Variants in PDIA6 observed in about 807,000 individuals in gnomAD.
PDIA6 encodes protein disulfide isomerase family A member 6, also known as protein disulfide-isomerase A6.
In PDIA6, 29 loss-of-function variants were observed where a neutral mutation model predicts 58.4. The ratio of observed to expected loss-of-function variants is 0.50; its 90% confidence interval spans 0.37 to 0.68. The LOEUF (loss-of-function observed/expected upper bound fraction) is 0.68, where lower values mean the gene tolerates loss of function less well. Among genes scored for constraint, PDIA6 ranks in the 30% least tolerant of loss-of-function variants. The pLI is 0.00. For synonymous variants in PDIA6, 192 were observed against 202.6 expected (o/e 0.95, Z 0.44); for missense variants, 480 against 551.0 (o/e 0.87, Z 1.29).
At chr2:10,786,732 C>G (rs747300960) in intron 11 of PDIA6, among the ~76,000 whole-genome samples, 1 of 152,192 alleles carries the variant, frequency 6.6e-6, no homozygotes, top group Non-Finnish European at 1.5e-5. Context: ...CTCTTTAGGT[C>G]AATGCCCTGT....
intron 1 of PDIA6, among the ~76,000 whole-genome samples, chr2:10,807,877 T>C (rs1208971316): frequency 6.6e-6 from 1 of 152,234 alleles, no homozygotes; most frequent in Non-Finnish European, 1.5e-5. Context: ...CTTATCCCCA[T>C]TTTGTAAATA....
intron 1 of PDIA6, among the ~76,000 whole-genome samples, chr2:10,824,223 G>C (rs1667485575): frequency 6.6e-6 from 1 of 151,234 alleles, no homozygotes; most frequent in Non-Finnish European, 1.5e-5. Context: ...CATGGGGAGT[G>C]TTGACTGCTG....
At chr2:10,834,902 G>A (rs973206044), upstream of PDIA6, among the ~76,000 whole-genome samples, 2 of 151,998 alleles carry the variant, frequency 1.3e-5, no homozygotes, top group African/African-American at 2.4e-5. Flanking sequence ...TAGTAGCTGG[G>A]ATTACAGGCA....
In PDIA6 at chr2:10,785,050, A is replaced by AACAC. The variant is rs762790761; in HGVS notation, c.1158-24_1158-21dup. 6.8e-7 allele frequency: 1 copy of AACAC among 1,460,988 alleles called. No individual in the cohort carries two copies. Among genetic ancestry groups the AACAC allele is most frequent in the East Asian group, 2.4e-5 (1 of 41,226 alleles). The allele number at this position is 1,460,988 out of a possible 1,614,324, so 90.5% of individuals were successfully genotyped here. A position where few individuals can be genotyped will look rare whatever the true frequency, so the allele number is the denominator to read the frequency against. ...AGCTCCCTTAGGGAAAAATGACCAA[A>AACAC]ACACACACACACATTTACAATGGAC... On this transcript the variant is annotated intron_variant, in intron 11 of 12. Coordinates refer to ENST00000272227, the MANE Select transcript of PDIA6 (RefSeq NM_005742.4).
chr2:10,802,562 G>T lies in PDIA6; in HGVS notation c.98C>A (p.Ser33Ter). The T allele has an allele frequency of 6.7e-7, 1 of 1,484,452 alleles. No homozygotes were observed. Among genetic ancestry groups the T allele is most frequent in the Admixed American group, 2.3e-5 (1 of 44,220 alleles). 92.0% of individuals were successfully genotyped at this position (1,484,452 alleles called of 1,614,324 possible). A position where few individuals can be genotyped will look rare whatever the true frequency, so the allele number is the denominator to read the frequency against. The change falls in exon 2 of 13, where the codon TCG becomes TAG. Residue 33 changes from serine (S) to a stop codon, truncating the protein, a stop_gained. Coordinates refer to ENST00000272227, the MANE Select transcript of PDIA6 (RefSeq NM_005742.4). LOFTEE classifies it high-confidence loss of function. ...SSDDVIELTPSNFNREVIQSD... is the reference protein window; with the variant it reads ...SSDDVIELTP The stretch of plus-strand genomic sequence containing the variant: ...CTGAATAACTTCTCGGTTGAAATTC[G>T]ATGGAGTTAATTCGATCACATCATC...
chr2:10,820,668 T>G, intron 1 of PDIA6: 1 of 623,858 alleles, frequency 1.6e-6, no homozygotes, highest in Non-Finnish European at 2.9e-6. Context: ...TGTCGAGGAC[T>G]CTTTTGTCCT....
upstream of PDIA6, among the ~76,000 whole-genome samples, chr2:10,816,007 A>G (rs571503413): frequency 4.0e-5 from 6 of 149,522 alleles, no homozygotes; most frequent in Middle Eastern, 3.2e-3. Context: ...AGCCCTGGTC[A>G]CCTCTATTCA....
chr2:10,832,445 C>T, exon 1 of PDIA6: 1 of 985,438 alleles, frequency 1.0e-6, no homozygotes, highest in Non-Finnish European at 1.2e-6. Context: ...GTTTGAAGCA[C>T]GAGGCCAGGA....
chr2:10,819,034 A>G (rs56263234), intron 2 of PDIA6, among the ~76,000 whole-genome samples: 19,572 of 152,198 alleles, frequency 0.13, 1,521 homozygotes, highest in Non-Finnish European at 0.18. Flanking sequence ...ATGTAAGTAG[A>G]ATCCTATAGT....
intron 1 of PDIA6, chr2:10,810,360 C>T: frequency 6.6e-7 from 1 of 1,511,696 alleles, no homozygotes; most frequent in East Asian, 2.5e-5. Context: ...TTTCACTTCT[C>T]TTTGCCAATC....
At chr2:10,800,995 C>G (rs1666486628) in intron 2 of PDIA6, among the ~76,000 whole-genome samples, 1 of 152,110 alleles carries the variant, frequency 6.6e-6, no homozygotes, top group Non-Finnish European at 1.5e-5. Flanking sequence ...AAGCACCTGC[C>G]TGACCCAGTG....
chr2:10,807,182 A>G (rs1666800833), intron 1 of PDIA6, among the ~76,000 whole-genome samples: 1 of 152,224 alleles, frequency 6.6e-6, no homozygotes, highest in Non-Finnish European at 1.5e-5. Flanking sequence ...TATTTGCATC[A>G]TGCTGGCTTT....
At position 10,812,753 on chromosome 2, in the gene PDIA6, G is replaced by A; in HGVS notation, c.-57C>T. ...GCCGCCGCCGCTTCAGCCCTGCAGC[G>A]TGCCGCACGCCGCGCCCCCGCGCCC... On this transcript the variant is annotated 5_prime_UTR_variant, in exon 1 of 13. It adds an upstream start codon to the 5' untranslated region. Coordinates refer to ENST00000272227, the MANE Select transcript of PDIA6 (RefSeq NM_005742.4). 1.4e-6 allele frequency: 2 copies of A among 1,388,076 alleles called. No homozygotes were observed. Among genetic ancestry groups the A allele is most frequent in the Non-Finnish European group, 1.9e-6 (2 of 1,070,660 alleles). The allele number at this position is 1,388,076 out of a possible 1,614,324, so 86.0% of individuals were successfully genotyped here.
chr2:10,786,352 A>ACCAAC (rs1343174091), intron 11 of PDIA6, among the ~76,000 whole-genome samples: 1 of 151,848 alleles, frequency 6.6e-6, no homozygotes, highest in African/African-American at 2.4e-5. Context: ...AACCATATTA[A>ACCAAC]CCAACTACAA....
At chr2:10,788,803 A>G in intron 9 of PDIA6, 34 bp from the exon 10 acceptor site, 3 of 1,570,866 alleles carry the variant, frequency 1.9e-6, no homozygotes, top group South Asian at 1.1e-5. Context: ...TTAAAGGTAA[A>G]GATAAAGGAG....
At position 10,806,628 on chromosome 2, in the gene PDIA6, C is replaced by CAAAGAA. The variant is rs142782761; in HGVS notation, c.20-3989_20-3988insTTCTTT. Among the ~76,000 whole-genome samples, 58 of 70,294 alleles carry CAAAGAA rather than the reference C, an allele frequency of 8.3e-4. 5 individuals are homozygous for CAAAGAA. Among genetic ancestry groups the CAAAGAA allele is most frequent in the East Asian group, 3.6e-3 (8 of 2,204 alleles). The allele number at this position is 70,294 out of a possible 152,430, so 46.1% of individuals were successfully genotyped here. A position where few individuals can be genotyped will look rare whatever the true frequency, so the allele number is the denominator to read the frequency against. ...AACCACATCTCCTAAAAAATAAAGA[C>CAAAGAA]AGAAAGAAAGAAAGAAAGAAAAACG... On this transcript the variant is annotated intron_variant, in intron 1 of 12. Transcript: ENST00000272227.
At chr2:10,795,260 T>C (rs1219899415) in intron 4 of PDIA6, among the ~76,000 whole-genome samples, 1 of 152,194 alleles carries the variant, frequency 6.6e-6, no homozygotes, top group Non-Finnish European at 1.5e-5. Flanking sequence ...AGACAATATG[T>C]TGACAAACAG....
intron 2 of PDIA6, among the ~76,000 whole-genome samples, chr2:10,818,498 A>ATTTC (rs1470617806): frequency 1.2e-4 from 15 of 121,152 alleles, no homozygotes; most frequent in Non-Finnish European, 2.0e-4. Context: ...TTATTTATTT[A>ATTTC]TTTATTTATT....
chr2:10,804,976 T>C (rs1334343297), intron 1 of PDIA6, among the ~76,000 whole-genome samples: 2 of 143,340 alleles, frequency 1.4e-5, no homozygotes, highest in African/African-American at 5.0e-5. Context: ...CTCTGTCTGT[T>C]GTTGGTGTAT....
Sources: gnomAD v4.1 joint callset for allele counts (sites outside exome capture counted in the v4.1 genomes callset) on GRCh38, gnomAD v4.1.1 for gene constraint, MANE v1.5 for transcripts, NCBI Gene and HGNC (gene_info 2026-07-23, HGNC 2026-07-21) for gene names.